Variants in ZC3H12C observed in about 807,000 individuals in gnomAD.
The protein encoded by ZC3H12C is probable ribonuclease ZC3H12C.
In ZC3H12C, 20 loss-of-function variants were observed where a neutral mutation model predicts 76.3. The ratio of observed to expected loss-of-function variants is 0.26; its 90% CI spans 0.18 to 0.38. The LOEUF (loss-of-function observed/expected upper bound fraction) is 0.38. Among genes scored for constraint, ZC3H12C ranks in the 10% least tolerant of loss-of-function variants. The pLI, the probability that ZC3H12C is intolerant of heterozygous loss-of-function variation, is 1.00. For missense variants in ZC3H12C, 874 were observed against 1,086.5 expected, an observed-to-expected ratio of 0.80 and a Z score of 2.75; for synonymous variants, 352 against 399.6, an observed-to-expected ratio of 0.88 and a Z score of 1.42.
intron 3 of ZC3H12C, among the ~76,000 whole-genome samples, chr11:110,153,955 G>A (rs1204379686): frequency 1.3e-5 from 2 of 152,136 alleles, no homozygotes; most frequent in African/African-American, 4.8e-5. Context: ...AACCTTTCTT[G>A]TCCTTCTCTC....
chr11:110,097,870 G>A (rs988996705), intron 1 of ZC3H12C, among the ~76,000 whole-genome samples: 2 of 152,324 alleles, frequency 1.3e-5, no homozygotes, highest in African/African-American at 2.4e-5. Flanking sequence ...ATAGCACAAG[G>A]CATTACTCAT....
chr11:110,115,453 T>A (rs1861508838), intron 1 of ZC3H12C, among the ~76,000 whole-genome samples: 1 of 151,924 alleles, frequency 6.6e-6, no homozygotes, highest in South Asian at 2.1e-4. Flanking sequence ...CAGGCTCACA[T>A]CACCACACTT....
chr11:110,157,190 AAAAC>A (rs1862393095), intron 3 of ZC3H12C, among the ~76,000 whole-genome samples: 1 of 151,874 alleles, frequency 6.6e-6, no homozygotes, highest in Non-Finnish European at 1.5e-5. Context: ...AAAAAAAAAA[AAAAC>A]AGAGAGATCA....
chr11:110,119,967 T>C (rs903372627), intron 1 of ZC3H12C, among the ~76,000 whole-genome samples: 1 of 152,240 alleles, frequency 6.6e-6, no homozygotes, highest in East Asian at 1.9e-4. Flanking sequence ...AGCCCTGTTA[T>C]ACATATCCTT....
intron 1 of ZC3H12C, among the ~76,000 whole-genome samples, chr11:110,117,686 TAC>T (rs1200621571): frequency 5.1e-5 from 7 of 138,004 alleles, no homozygotes; most frequent in Admixed American, 2.4e-4. Context: ...ATTATATATA[TAC>T]ACACACACAT....
At chr11:110,122,815 A>G (rs530473576) in intron 1 of ZC3H12C, among the ~76,000 whole-genome samples, 14 of 152,328 alleles carry the variant, frequency 9.2e-5, no homozygotes, top group African/African-American at 3.4e-4. Flanking sequence ...TGCATTTTCA[A>G]CTGATGATAT....
At chr11:110,112,487 G>A (rs565815978) in intron 1 of ZC3H12C, among the ~76,000 whole-genome samples, 3 of 152,270 alleles carry the variant, frequency 2.0e-5, no homozygotes, top group South Asian at 2.1e-4. Context: ...CACCACACCC[G>A]ATCCCTTTTG....
chr11:110,151,309 A>G (rs942678243), intron 2 of ZC3H12C, among the ~76,000 whole-genome samples: 1 of 152,210 alleles, frequency 6.6e-6, no homozygotes, highest in Non-Finnish European at 1.5e-5. Context: ...TGAAATTACC[A>G]GGAAGAAATG....
intron 1 of ZC3H12C, among the ~76,000 whole-genome samples, chr11:110,102,578 C>A (rs1364327995): frequency 6.6e-6 from 1 of 152,030 alleles, no homozygotes; most frequent in East Asian, 1.9e-4. Flanking sequence ...GTGGAAATGA[C>A]AACAAAGAGG....
At chr11:110,097,546 C>G (rs1255265866) in intron 1 of ZC3H12C, among the ~76,000 whole-genome samples, 1 of 152,194 alleles carries the variant, frequency 6.6e-6, no homozygotes. Flanking sequence ...GTTCTAAGTG[C>G]TGTACATGTA....
Position 110,165,742 on chromosome 11 carries a change from T to A in ZC3H12C, c.*5T>A. The A allele has an allele frequency of 6.4e-7, 1 of 1,567,698 alleles. No homozygotes were observed. Among genetic ancestry groups the A allele is most frequent in the South Asian group, 1.2e-5 (1 of 85,092 alleles). ...AAATCCCAGCTGGGTTATTGAAAGATGATGCATCTTTGTGGTGTTTAGTAG... is the reference window on the plus strand; with the variant it reads ...AAATCCCAGCTGGGTTATTGAAAGAAGATGCATCTTTGTGGTGTTTAGTAG... On this transcript the variant is annotated 3_prime_UTR_variant, in exon 6 of 6. Coordinates refer to ENST00000278590, the MANE Select transcript of ZC3H12C (RefSeq NM_033390.2).
intron 1 of ZC3H12C, among the ~76,000 whole-genome samples, chr11:110,135,056 TGTTGAAGAGCTTTAGAAACATTTTCTCA>T (rs1420081589): frequency 1.3e-5 from 2 of 152,210 alleles, no homozygotes. Flanking sequence ...GTAAATATGA[TGTTGAAGAGCTTTAGAAACATTTTCTCA>T]GTTTTCTTTT....
Position 110,164,759 on chromosome 11 carries a change from A to G in ZC3H12C, c.1674A>G (p.Gln558=). 6.2e-7 allele frequency: 1 copy of G among 1,614,032 alleles called. No homozygotes were observed. Among genetic ancestry groups the G allele is most frequent in the East Asian group, 2.2e-5 (1 of 44,888 alleles). Residue 558 remains glutamine, a synonymous_variant, in exon 6 of 6, where the codon CAA becomes CAG. Coordinates refer to ENST00000278590, the MANE Select transcript of ZC3H12C (RefSeq NM_033390.2). The surrounding 1 kb of genome is among the most constrained non-coding windows in gnomAD (Gnocchi z 5.7). Reference sequence around the variant, plus strand: ...CTCAGGATCAAAGACCACAGGGACAATATCCTTCAATGATGATGGCAACCA... The same window carrying G: ...CTCAGGATCAAAGACCACAGGGACAGTATCCTTCAATGATGATGGCAACCA... The part of the protein sequence containing the change: ...FPPQDQRPQG[Q]YPSMMMATKN...
chr11:110,150,497 A>G (rs1862252337), intron 2 of ZC3H12C, among the ~76,000 whole-genome samples: 1 of 152,168 alleles, frequency 6.6e-6, no homozygotes, highest in Admixed American at 6.5e-5. Context: ...CAAGGACATT[A>G]TATCTGCAAT....
At chr11:110,109,147 T>C (rs938691689) in intron 1 of ZC3H12C, among the ~76,000 whole-genome samples, 4 of 152,234 alleles carry the variant, frequency 2.6e-5, no homozygotes, top group African/African-American at 7.2e-5. Context: ...GCTAGCCTCA[T>C]AGACCAGTTG....
intron 2 of ZC3H12C, among the ~76,000 whole-genome samples, chr11:110,149,174 C>T (rs979282235): frequency 1.4e-4 from 22 of 152,132 alleles, no homozygotes; most frequent in African/African-American, 5.1e-4. Flanking sequence ...ACAACAGCAG[C>T]GATTCTAGAG....
At chr11:110,093,717 C>T (rs1272063498) in intron 1 of ZC3H12C, among the ~76,000 whole-genome samples, 1 of 152,044 alleles carries the variant, frequency 6.6e-6, no homozygotes, top group African/African-American at 2.4e-5. Context: ...CCGGGCTTCC[C>T]GGCCCCGCGG....
intron 1 of ZC3H12C, among the ~76,000 whole-genome samples, chr11:110,122,347 G>A (rs753789467): frequency 5.3e-5 from 8 of 151,836 alleles, no homozygotes; most frequent in African/African-American, 1.5e-4. Flanking sequence ...CGCATTTTTG[G>A]TCATCTTTTT....
At chr11:110,117,097 G>T (rs1396999005) in intron 1 of ZC3H12C, among the ~76,000 whole-genome samples, 1 of 152,162 alleles carries the variant, frequency 6.6e-6, no homozygotes, top group Non-Finnish European at 1.5e-5. Context: ...CAGTTGGTTT[G>T]CCATTGAGAG....
Sources: allele counts gnomAD v4.1 joint callset (sites outside exome capture counted in the v4.1 genomes callset), GRCh38; gene constraint gnomAD v4.1.1; non-coding constraint Gnocchi (gnomAD v3.1); transcripts MANE v1.5; gene names NCBI Gene and HGNC (gene_info 2026-07-23, HGNC 2026-07-21).